Variants in RANBP17 observed in about 807,000 individuals in gnomAD.
RANBP17 encodes RAN binding protein 17.
RANBP17 carries 158 observed loss-of-function variants against 141.2 expected under a neutral mutation model. The ratio of observed to expected loss-of-function variants is 1.12; its 90% CI spans 0.98 to 1.28. The LOEUF is 1.28. Ranked by LOEUF, RANBP17 falls within the 50% of genes most tolerant of loss-of-function variation. The pLI is 0.00. For missense variants in RANBP17, 1,438 were observed against 1,290.7 expected, an observed-to-expected ratio of 1.11 and a Z score of -1.75; for synonymous variants, 430 against 450.0, an observed-to-expected ratio of 0.96 and a Z score of 0.56.
At chr5:171,130,763 TAAG>T (rs1414842227) in intron 14 of RANBP17, among the ~76,000 whole-genome samples, 2 of 152,170 alleles carry the variant, frequency 1.3e-5, no homozygotes, top group Non-Finnish European at 2.9e-5. Context: ...TGCTTTTTAT[TAAG>T]AAGTATTTTG....
chr5:171,071,395 C>G (rs1784625843), intron 14 of RANBP17, among the ~76,000 whole-genome samples: 1 of 151,774 alleles, frequency 6.6e-6, no homozygotes, highest in African/African-American at 2.4e-5. Context: ...ACTAGAAGAG[C>G]CCCCAAAATT....
intron 12 of RANBP17, among the ~76,000 whole-genome samples, chr5:170,925,967 G>GT (rs974546200): frequency 6.6e-6 from 1 of 151,994 alleles, no homozygotes; most frequent in Non-Finnish European, 1.5e-5. Flanking sequence ...TTTGTTTTCT[G>GT]TTTTTTGCTA....
At chr5:171,100,446 AT>A (rs1237920985) in intron 14 of RANBP17, among the ~76,000 whole-genome samples, 1 of 152,138 alleles carries the variant, frequency 6.6e-6, no homozygotes, top group East Asian at 1.9e-4. Context: ...CAGTGGTGAT[AT>A]CCCCTTTATC....
intron 19 of RANBP17, among the ~76,000 whole-genome samples, chr5:171,204,756 TAA>T (rs1490804370): frequency 6.6e-6 from 1 of 152,198 alleles, no homozygotes; most frequent in Non-Finnish European, 1.5e-5. Flanking sequence ...TTTTTTTCTC[TAA>T]AACTAAATAC....
At chr5:171,202,963 C>T (rs1360301307) in intron 19 of RANBP17, among the ~76,000 whole-genome samples, 1 of 152,100 alleles carries the variant, frequency 6.6e-6, no homozygotes, top group Non-Finnish European at 1.5e-5. Context: ...GTGGAAGGAG[C>T]CTCGTTTCAG....
At chr5:171,204,251 A>T (rs1296236956) in intron 19 of RANBP17, among the ~76,000 whole-genome samples, 1 of 152,228 alleles carries the variant, frequency 6.6e-6, no homozygotes, top group Non-Finnish European at 1.5e-5. Flanking sequence ...GCAGAAACTG[A>T]ATATTCCTAT....
In RANBP17 at chr5:170,878,125, C is replaced by G; in HGVS notation, c.47C>G (p.Thr16Ser). 1 of 1,604,808 alleles carries G rather than the reference C, an allele frequency of 6.2e-7. No individual in the cohort carries two copies. The highest frequency in any genetic ancestry group is 8.5e-7 in the Non-Finnish European group (1 of 1,175,600). ...QSLAELEVLC[T>S]HLYIGTDLTQ... ...TTGGCTGAATTGGAAGTGTTATGTA[C>G]TCATCTCTACATAGGGACTGATCTT... The change falls in exon 2 of 28, where the codon ACT becomes AGT. Residue 16 changes from threonine (T) to serine (S), a missense_variant. Thr to Ser is a moderately conservative substitution (Grantham distance 58). Coordinates refer to ENST00000523189, the MANE Select transcript of RANBP17 (RefSeq NM_022897.5).
chr5:171,274,472 A>G (rs748194364), intron 25 of RANBP17, among the ~76,000 whole-genome samples: 158 of 152,254 alleles, frequency 1.0e-3, no homozygotes, highest in Admixed American at 3.0e-3. Context: ...TGCTATTTTA[A>G]TTTAATTTTT....
intron 14 of RANBP17, among the ~76,000 whole-genome samples, chr5:171,004,300 A>T (rs944469954): frequency 6.6e-6 from 1 of 152,130 alleles, no homozygotes; most frequent in Non-Finnish European, 1.5e-5. Context: ...AAGGGTGGCA[A>T]TGAGATGTGG....
chr5:170,911,214 T>C (rs978055922), intron 7 of RANBP17, 80 bp downstream of exon 7: 2 of 1,296,816 alleles, frequency 1.5e-6, no homozygotes, highest in South Asian at 1.4e-5. Flanking sequence ...TGTATAGTTA[T>C]CTTTTTGCCA....
intron 24 of RANBP17, among the ~76,000 whole-genome samples, chr5:171,263,585 C>T (rs565944544): frequency 2.1e-4 from 32 of 152,278 alleles, no homozygotes; most frequent in African/African-American, 6.7e-4. Flanking sequence ...ATGTAAATGT[C>T]GCACTCCACT....
At chr5:171,153,596 A>G (rs755544458) in intron 14 of RANBP17, among the ~76,000 whole-genome samples, 7 of 152,214 alleles carry the variant, frequency 4.6e-5, no homozygotes, top group Non-Finnish European at 1.0e-4. Flanking sequence ...TGGGGAAGAC[A>G]GGGGAAGACT....
chr5:171,133,524 A>G (rs966307701), intron 14 of RANBP17, among the ~76,000 whole-genome samples: 4 of 152,136 alleles, frequency 2.6e-5, no homozygotes, highest in Admixed American at 6.5e-5. Context: ...TAATTTATTT[A>G]TAAAATTATA....
chr5:170,947,622 A>G (rs988305902), intron 12 of RANBP17, among the ~76,000 whole-genome samples: 1 of 152,102 alleles, frequency 6.6e-6, no homozygotes, highest in African/African-American at 2.4e-5. Context: ...GGGGTCTTTC[A>G]GTCATTGTAA....
chr5:171,163,415 C>T (rs1386709685), intron 14 of RANBP17, among the ~76,000 whole-genome samples: 1 of 152,134 alleles, frequency 6.6e-6, no homozygotes, highest in Non-Finnish European at 1.5e-5. Flanking sequence ...TGGTTTAGAT[C>T]CAAGTCATTA....
At chr5:171,265,215 A>G (rs1452020285) in intron 24 of RANBP17, among the ~76,000 whole-genome samples, 4 of 152,232 alleles carry the variant, frequency 2.6e-5, no homozygotes, top group Non-Finnish European at 2.9e-5. Context: ...GACCTATAAT[A>G]GACACTGGGT....
At chr5:170,910,153 T>C (rs976214022) in intron 6 of RANBP17, 2 of 159,508 alleles carry the variant, frequency 1.3e-5, no homozygotes, top group Non-Finnish European at 2.7e-5. Flanking sequence ...AATTTATTCA[T>C]AGTTTAGCCA....
At chr5:170,963,699 G>A (rs1449908858) in intron 13 of RANBP17, among the ~76,000 whole-genome samples, 5 of 152,152 alleles carry the variant, frequency 3.3e-5, no homozygotes, top group African/African-American at 1.2e-4. Context: ...CTGACAGGAG[G>A]CGGAGCTCAG....
chr5:171,288,632 G>A (rs1158131054), intron 25 of RANBP17, among the ~76,000 whole-genome samples: 3 of 152,168 alleles, frequency 2.0e-5, no homozygotes, highest in African/African-American at 4.8e-5. Flanking sequence ...TCTATAAAAC[G>A]GGAATAATAT....
Sources: allele counts gnomAD v4.1 joint callset (sites outside exome capture counted in the v4.1 genomes callset), GRCh38; gene constraint gnomAD v4.1.1; transcripts MANE v1.5; gene names NCBI Gene and HGNC (gene_info 2026-07-23, HGNC 2026-07-21).